FAM177A1: variants seen among roughly 807,000 people sequenced by gnomAD.
FAM177A1 encodes the protein family with sequence similarity 177 member A1.
In FAM177A1, 22 loss-of-function variants were observed where a neutral mutation model predicts 26.1. The ratio of observed to expected loss-of-function variants is 0.84; its 90% CI spans 0.60 to 1.20. The LOEUF (loss-of-function observed/expected upper bound fraction) is 1.20. Ranked by LOEUF, FAM177A1 falls within the 50% of genes most tolerant of loss-of-function variation. The probability of loss-of-function intolerance (pLI) is 0.00; values close to 1 mark genes in which losing one functional copy is unlikely to be tolerated. For synonymous variants in FAM177A1, 95 were observed against 99.3 expected (o/e 0.96, Z 0.26); for missense variants, 296 against 291.1 (o/e 1.02, Z -0.12).
intron 2 of FAM177A1, among the ~76,000 whole-genome samples, chr14:35,063,099 T>C (rs1028032553): frequency 7.0e-6 from 1 of 142,714 alleles, no homozygotes; most frequent in Non-Finnish European, 1.5e-5. Flanking sequence ...AGTCGGAGAT[T>C]GCAGTGAGCC....
chr14:35,072,808 G>T (rs979543298), intron 2 of FAM177A1, among the ~76,000 whole-genome samples: 1 of 152,012 alleles, frequency 6.6e-6, no homozygotes. Context: ...GTTAGCTCTT[G>T]AATTTCTCCG....
At chr14:35,045,927 G>C (rs1297691907), upstream of FAM177A1, 1 of 152,238 alleles carries the variant, frequency 6.6e-6, no homozygotes. Flanking sequence ...ATTTTGGCTG[G>C]ACTGTCACCC....
At chr14:35,071,007 T>C (rs1488131664) in intron 2 of FAM177A1, among the ~76,000 whole-genome samples, 8 of 132,742 alleles carry the variant, frequency 6.0e-5, no homozygotes, top group African/African-American at 1.2e-4. Flanking sequence ...TTCTTTCTTT[T>C]TTTTTTTGAG....
At chr14:35,072,664 C>A (rs994802884) in intron 2 of FAM177A1, among the ~76,000 whole-genome samples, 2 of 152,148 alleles carry the variant, frequency 1.3e-5, no homozygotes, top group African/African-American at 4.8e-5. Flanking sequence ...AATCGGAGCC[C>A]TTCTGCCAGA....
chr14:35,057,045 T>C (rs1405986334), intron 2 of FAM177A1, among the ~76,000 whole-genome samples: 1 of 152,156 alleles, frequency 6.6e-6, no homozygotes, highest in East Asian at 1.9e-4. Context: ...TTTTCTGTTC[T>C]CTATTAATTT....
At position 35,077,224 on chromosome 14, in the gene FAM177A1, T is replaced by G. The variant is rs1242762156; in HGVS notation, c.406+8T>G. The G allele has an allele frequency of 5.0e-6, 8 of 1,612,662 alleles. No homozygotes were observed. In the South Asian group the frequency reaches 8.8e-5, roughly 18 times the overall value. The stretch of plus-strand genomic sequence containing the variant: ...CTACATCAACTCTCTCAGGTATTGC[T>G]TTTCTGCTTGAATATTGTATAATTG... On this transcript the variant is annotated splice_region_variant and intron_variant, in intron 3 of 4. Transcript: ENST00000280987.
intron 1 of FAM177A1, among the ~76,000 whole-genome samples, chr14:35,052,742 TAGCC>T (rs1401348219): frequency 2.0e-5 from 3 of 151,940 alleles, no homozygotes; most frequent in African/African-American, 7.3e-5. Context: ...CTGGGCAACA[TAGCC>T]AGACACTGTC....
intron 2 of FAM177A1, among the ~76,000 whole-genome samples, chr14:35,056,323 C>T (rs1246023861): frequency 2.0e-5 from 3 of 152,034 alleles, no homozygotes; most frequent in Admixed American, 2.0e-4. Flanking sequence ...GCGTGAGCCA[C>T]TGCGCCCAGG....
intron 2 of FAM177A1, among the ~76,000 whole-genome samples, chr14:35,070,886 T>C (rs1305026790): frequency 6.6e-6 from 1 of 152,066 alleles, no homozygotes; most frequent in Non-Finnish European, 1.5e-5. Flanking sequence ...AATAAGTGTA[T>C]GCTCAGGAAA....
Position 35,082,207 on chromosome 14 carries a change from C to G in FAM177A1, c.*979C>G, listed in dbSNP as rs1595062038. On this transcript the variant is annotated 3_prime_UTR_variant, in exon 5 of 5. Coordinates refer to ENST00000280987, the MANE Select transcript of FAM177A1 (RefSeq NM_173607.5). ...CCTTACAAATGTATATATTGTGAAG[C>G]TAATTTTGAAAATATTCCTAAATAT... is the stretch of plus-strand genomic sequence containing the variant. 6.6e-6 allele frequency: 1 copy of G among 152,078 alleles called. No homozygotes were observed. The highest frequency in any genetic ancestry group is 1.9e-4 in the East Asian group (1 of 5,194). The allele number at this position is 152,078 out of a possible 1,614,324, so 9.4% of individuals were successfully genotyped here. A position where few individuals can be genotyped will look rare whatever the true frequency, so the allele number is the denominator to read the frequency against.
chr14:35,046,449 G>A lies in FAM177A1; in HGVS notation c.-15G>A. Reference sequence around the variant, plus strand: ...ACAGCCTGGCTCGGCCAGCGACTGGGCGGGGAGACCAAGGATGGAAGTGGG... The same window carrying A: ...ACAGCCTGGCTCGGCCAGCGACTGGACGGGGAGACCAAGGATGGAAGTGGG... On this transcript the variant is annotated 5_prime_UTR_variant, in exon 1 of 5. Coordinates refer to ENST00000280987, the MANE Select transcript of FAM177A1 (RefSeq NM_173607.5). 1 of 1,545,826 alleles carries A rather than the reference G, an allele frequency of 6.5e-7. No homozygotes were observed.
intron 2 of FAM177A1, among the ~76,000 whole-genome samples, chr14:35,058,836 A>T (rs192999120): frequency 1.3e-5 from 2 of 152,292 alleles, no homozygotes; most frequent in East Asian, 3.9e-4. Context: ...GGATCTCACC[A>T]CTACATTCCA....
intron 2 of FAM177A1, among the ~76,000 whole-genome samples, chr14:35,066,727 A>G (rs1211831839): frequency 2.0e-5 from 3 of 151,790 alleles, no homozygotes; most frequent in Non-Finnish European, 4.4e-5. Flanking sequence ...CTTGATGCCA[A>G]CTTGATGTAT....
In FAM177A1 at chr14:35,082,080, G is replaced by A. The variant is rs1268592397; in HGVS notation, c.*852G>A. The A allele has an allele frequency of 6.6e-6, 1 of 152,170 alleles. No homozygotes were observed. Among genetic ancestry groups the A allele is most frequent in the Admixed American group, 6.6e-5 (1 of 15,258 alleles). 9.4% of individuals were successfully genotyped at this position (152,170 alleles called of 1,614,324 possible). A position where few individuals can be genotyped will look rare whatever the true frequency, so the allele number is the denominator to read the frequency against. On this transcript the variant is annotated 3_prime_UTR_variant, in exon 5 of 5. Transcript: ENST00000280987. Reference sequence around the variant, plus strand: ...GTATAAGGTGCAATGATAGCCTAATGAAATTACCCGTCATTCATCATTTAG... The same window carrying A: ...GTATAAGGTGCAATGATAGCCTAATAAAATTACCCGTCATTCATCATTTAG...
Position 35,064,743 on chromosome 14 carries a change from C to T in FAM177A1, c.339+11292C>T, listed in dbSNP as rs1037856268. ...TTGACTCACTGCAAGCTCCGCCTCC[C>T]AGGTTCACACCATTCTCCTTGCCTC... On this transcript the variant is annotated intron_variant, in intron 2 of 4. Coordinates refer to ENST00000280987, the MANE Select transcript of FAM177A1 (RefSeq NM_173607.5). Among the ~76,000 whole-genome samples the T allele has an allele frequency of 1.1e-3, 163 of 151,358 alleles. 1 individual carries two copies. Among genetic ancestry groups the T allele is most frequent in the African/African-American group, 3.6e-3 (149 of 41,240 alleles).
At chr14:35,074,831 C>G (rs550351863) in intron 2 of FAM177A1, among the ~76,000 whole-genome samples, 1 of 151,592 alleles carries the variant, frequency 6.6e-6, no homozygotes, top group South Asian at 2.1e-4. Context: ...CACATGGGGC[C>G]GGAATTTGAG....
intron 1 of FAM177A1, among the ~76,000 whole-genome samples, chr14:35,052,531 G>A (rs1595037607): frequency 6.6e-6 from 1 of 152,122 alleles, no homozygotes; most frequent in African/African-American, 2.4e-5. Context: ...TTTATTAGGA[G>A]TTTAAACTTG....
chr14:35,079,754 T>C (rs535098408), intron 4 of FAM177A1, among the ~76,000 whole-genome samples: 2 of 152,170 alleles, frequency 1.3e-5, no homozygotes, highest in African/African-American at 2.4e-5. Context: ...ACAACAAATA[T>C]TGGCATCTGC....
intron 2 of FAM177A1, 127 bp downstream of exon 2, chr14:35,053,578 A>G (rs1042275893): frequency 2.5e-5 from 20 of 809,270 alleles, no homozygotes; most frequent in Non-Finnish European, 3.4e-5. Context: ...AAAATTATGT[A>G]TGGTGATTTT....
Sources: gnomAD v4.1 joint callset for allele counts (sites outside exome capture counted in the v4.1 genomes callset) on GRCh38, gnomAD v4.1.1 for gene constraint, MANE v1.5 for transcripts, NCBI Gene and HGNC (gene_info 2026-07-23, HGNC 2026-07-21) for gene names.